The following UGGT2 variants were observed in gnomAD, a reference collection of about 807,000 sequenced individuals.
UGGT2 encodes the protein UDP-glucose:glycoprotein glucosyltransferase 2.
Under a neutral mutation model 192.1 loss-of-function variants are expected in UGGT2, and 180 were observed. That is an observed-to-expected ratio of 0.94 (90% CI 0.83 to 1.06). The LOEUF (loss-of-function observed/expected upper bound fraction) is 1.06. Among genes scored for constraint, UGGT2 ranks in the 50% least tolerant of loss-of-function variants. The pLI, the probability that UGGT2 is intolerant of heterozygous loss-of-function variation, is 0.00. For synonymous variants in UGGT2, 580 were observed against 591.0 expected (o/e 0.98, Z 0.27); for missense variants, 1,849 against 1,795.7 (o/e 1.03, Z -0.54).
rs372775696 is a variant in UGGT2, at chr13:95,801,742, G to A, written c.*48C>T. The A allele has an allele frequency of 5.7e-5, 91 of 1,603,248 alleles. No individual in the cohort carries two copies. In the African/African-American group the frequency reaches 7.4e-4, roughly 13 times the overall value. ...GGGGCTCCAGACTTCCCCAGCAGGCGGCAGGTTTCCTGTCATGCTTTCGCC... is the reference window on the plus strand; with the variant it reads ...GGGGCTCCAGACTTCCCCAGCAGGCAGCAGGTTTCCTGTCATGCTTTCGCC... On this transcript the variant is annotated 3_prime_UTR_variant, in exon 39 of 39. Transcript: ENST00000376747.
chr13:96,047,160 C>T (rs900301625), intron 1 of UGGT2, among the ~76,000 whole-genome samples: 1 of 152,196 alleles, frequency 6.6e-6, no homozygotes, highest in African/African-American at 2.4e-5. Flanking sequence ...TGAGAACAGA[C>T]AGACTGCCTC....
At chr13:95,832,782 A>G in intron 38 of UGGT2, 145 bp downstream of exon 38, 1 of 1,271,216 alleles carries the variant, frequency 7.9e-7, no homozygotes, top group Non-Finnish European at 1.1e-6. Flanking sequence ...AGTCTACACA[A>G]AAATACACCT....
At chr13:95,989,874 G>T in intron 8 of UGGT2, 99 bp downstream of exon 8, 2 of 721,324 alleles carry the variant, frequency 2.8e-6, no homozygotes, top group Non-Finnish European at 4.3e-6. Context: ...CATTAATACT[G>T]TCCATAAAAT....
intron 20 of UGGT2, among the ~76,000 whole-genome samples, chr13:95,905,455 T>C (rs911926497): frequency 7.9e-5 from 12 of 152,194 alleles, no homozygotes; most frequent in African/African-American, 1.2e-4. Context: ...CTTTAATCCA[T>C]CTTCAATTGA....
At chr13:95,801,846 A>G in intron 38 of UGGT2, 34 bp from the exon 39 acceptor site, 1 of 1,612,086 alleles carries the variant, frequency 6.2e-7, no homozygotes, top group East Asian at 2.2e-5. Flanking sequence ...AGCTTCTGGC[A>G]TCTTAAACAT....
intron 10 of UGGT2, among the ~76,000 whole-genome samples, chr13:95,980,856 G>C (rs1248602370): frequency 6.6e-6 from 1 of 152,100 alleles, no homozygotes; most frequent in African/African-American, 2.4e-5. Context: ...AATTAGCCGG[G>C]TGTGGTGGCG....
chr13:95,917,506 T>C (rs1202923729), intron 20 of UGGT2, among the ~76,000 whole-genome samples: 1 of 152,056 alleles, frequency 6.6e-6, no homozygotes, highest in Non-Finnish European at 1.5e-5. Flanking sequence ...CACATAAACA[T>C]GTCTGCAAAA....
intron 20 of UGGT2, among the ~76,000 whole-genome samples, chr13:95,915,216 T>G (rs1340228969): frequency 6.6e-6 from 1 of 152,244 alleles, no homozygotes; most frequent in African/African-American, 2.4e-5. Flanking sequence ...TTCAGGTCAT[T>G]GCTGAAATGT....
At chr13:95,902,734 T>C (rs2048143974) in intron 21 of UGGT2, 120 bp downstream of exon 21, 4 of 958,666 alleles carry the variant, frequency 4.2e-6, no homozygotes, top group Middle Eastern at 3.3e-4. Flanking sequence ...TGAAAAGGAA[T>C]GTTTATTATC....
chr13:95,844,397 T>C (rs1888180644), intron 36 of UGGT2, among the ~76,000 whole-genome samples: 1 of 152,230 alleles, frequency 6.6e-6, no homozygotes, highest in Non-Finnish European at 1.5e-5. Flanking sequence ...AATCTAGTGA[T>C]TAATTTGGGG....
chr13:95,851,805 G>A (rs1889077670), intron 36 of UGGT2, among the ~76,000 whole-genome samples: 4 of 152,150 alleles, frequency 2.6e-5, no homozygotes, highest in South Asian at 2.1e-4. Context: ...GACAGTTTCC[G>A]AACTGCTTGA....
At chr13:95,905,447 TTAATCC>T (rs1404711068) in intron 20 of UGGT2, among the ~76,000 whole-genome samples, 2 of 151,970 alleles carry the variant, frequency 1.3e-5, no homozygotes, top group African/African-American at 4.8e-5. Flanking sequence ...GTTTAAGTCT[TTAATCC>T]ATCTTCAATT....
chr13:96,000,141 G>C (rs1044913697), intron 5 of UGGT2, among the ~76,000 whole-genome samples: 2 of 152,156 alleles, frequency 1.3e-5, no homozygotes, highest in African/African-American at 4.8e-5. Flanking sequence ...CAAGGGGTTA[G>C]AAAACAACTT....
chr13:95,842,309 TCTGA>T (rs539776774), intron 36 of UGGT2, among the ~76,000 whole-genome samples: 85 of 152,324 alleles, frequency 5.6e-4, no homozygotes, highest in African/African-American at 1.9e-3. Context: ...ATACTTTAGG[TCTGA>T]CTTTTCATAT....
At chr13:95,895,421 G>C in intron 22 of UGGT2, 117 bp from the exon 23 acceptor site, 1 of 619,232 alleles carries the variant, frequency 1.6e-6, no homozygotes, top group East Asian at 3.5e-5. Flanking sequence ...AGAGATTAAA[G>C]ATATGGTAGC....
intron 17 of UGGT2, among the ~76,000 whole-genome samples, chr13:95,930,681 T>A (rs1156939612): frequency 2.0e-5 from 3 of 152,194 alleles, no homozygotes; most frequent in Non-Finnish European, 4.4e-5. Context: ...ACTGTGAAGT[T>A]GGGTAATACT....
At chr13:96,011,547 C>T (rs902753655) in intron 5 of UGGT2, among the ~76,000 whole-genome samples, 4 of 151,910 alleles carry the variant, frequency 2.6e-5, no homozygotes, top group East Asian at 1.9e-4. Flanking sequence ...TTTAGAGCAG[C>T]GAAATTATCT....
chr13:96,031,993 T>C (rs2052850365), intron 1 of UGGT2, 22 bp from the exon 2 acceptor site: 3 of 1,552,760 alleles, frequency 1.9e-6, no homozygotes, highest in South Asian at 1.1e-5. Flanking sequence ...ATAGAAGTAA[T>C]CGGTTAGTAG....
chr13:96,023,902 T>A, intron 2 of UGGT2, 143 bp from the exon 3 acceptor site: 1 of 612,540 alleles, frequency 1.6e-6, no homozygotes, highest in Non-Finnish European at 2.4e-6. Context: ...AATGGAAAAA[T>A]CAAGATCTCA....
Sources: gnomAD v4.1 joint callset for allele counts (sites outside exome capture counted in the v4.1 genomes callset) on GRCh38, gnomAD v4.1.1 for gene constraint, MANE v1.5 for transcripts, NCBI Gene and HGNC (gene_info 2026-07-23, HGNC 2026-07-21) for gene names.